The following ARHGEF4 variants were observed in gnomAD, a reference collection of about 807,000 sequenced individuals.
The protein encoded by ARHGEF4 is APC-stimulated guanine nucleotide exchange factor 1.
A neutral mutation model predicts 162.0 loss-of-function variants in ARHGEF4; 119 were observed. The ratio of observed to expected loss-of-function variants is 0.73; its 90% CI spans 0.63 to 0.86. The LOEUF (loss-of-function observed/expected upper bound fraction) is 0.86, where lower values mean the gene tolerates loss of function less well. Ranked by LOEUF, ARHGEF4 falls within the 40% of genes least tolerant of loss-of-function variation. The pLI, the probability that ARHGEF4 is intolerant of heterozygous loss-of-function variation, is 0.00. For synonymous variants in ARHGEF4, 1,014 were observed against 979.9 expected (o/e 1.03, Z -0.65); for missense variants, 2,488 against 2,456.0 (o/e 1.01, Z -0.28).
In ARHGEF4 at chr2:130,928,606, C is replaced by T. The variant is rs573810649; in HGVS notation, c.3553-2346C>T. ...GAGGGTCACACTTACAAACTTTAAACCAGAACCTCTGCCTGCTTCCTTCCC... is the reference window on the plus strand; with the variant it reads ...GAGGGTCACACTTACAAACTTTAAATCAGAACCTCTGCCTGCTTCCTTCCC... On this transcript the variant is annotated intron_variant, in intron 2 of 13. Transcript: ENST00000409359. Among the ~76,000 whole-genome samples, 100 of 152,304 alleles carry T rather than the reference C, an allele frequency of 6.6e-4. 1 individual carries two copies. Among genetic ancestry groups the T allele is most frequent in the Middle Eastern group, 3.4e-3 (1 of 294 alleles).
chr2:130,944,189 C>T (rs1683475583), intron 3 of ARHGEF4, among the ~76,000 whole-genome samples: 1 of 152,270 alleles, frequency 6.6e-6, no homozygotes, highest in Middle Eastern at 3.4e-3. Flanking sequence ...TGGTTTCTGG[C>T]TGCTTTAAGA....
chr2:131,043,518 C>T lies in ARHGEF4; in HGVS notation c.5092C>T (p.Pro1698Ser), dbSNP rs143580339. ...GGGGGAGCTGACTCGAGTTACACAG[C>T]CTCAAGCCAAAAGCCAGCAGCGAAT... The part of the protein sequence containing the change: ...YSGELTRVTQ[P>S]QAKSQQRMFF... The change falls in exon 11 of 14, where the codon CCT (proline) becomes TCT (serine). Residue 1698 changes from proline (P) to serine (S), a missense_variant. Pro to Ser is a moderately conservative substitution (Grantham distance 74, BLOSUM62 -1). Coordinates refer to ENST00000409359, the MANE Select transcript of ARHGEF4 (RefSeq NM_001367493.1). The T allele has an allele frequency of 2.5e-6, 4 of 1,613,996 alleles. No homozygotes were observed. The highest frequency in any genetic ancestry group is 1.3e-5 in the African/African-American group (1 of 74,926).
At chr2:130,918,859 C>A (rs1419881117) in intron 2 of ARHGEF4, among the ~76,000 whole-genome samples, 1 of 152,074 alleles carries the variant, frequency 6.6e-6, no homozygotes, top group Non-Finnish European at 1.5e-5. Flanking sequence ...TTTTTCGTTA[C>A]TGTTACTACT....
In ARHGEF4 at chr2:130,868,277, C is replaced by T. The variant is rs950391137; in HGVS notation, c.39+31285C>T. On this transcript the variant is annotated intron_variant, in intron 1 of 13. Coordinates refer to ENST00000409359, the MANE Select transcript of ARHGEF4 (RefSeq NM_001367493.1). ...GGACCTGGGACTGGAGTCTCCTGGACGTCTTTTCCTTATGGAATAATTTCT... is the reference window on the plus strand; with the variant it reads ...GGACCTGGGACTGGAGTCTCCTGGATGTCTTTTCCTTATGGAATAATTTCT... Among the ~76,000 whole-genome samples, 8 of 152,106 alleles carry T rather than the reference C, an allele frequency of 5.3e-5. 1 individual carries two copies. The highest frequency in any genetic ancestry group is 9.6e-5 in the African/African-American group (4 of 41,496).
chr2:130,964,104 T>TAGCAGC, intron 4 of ARHGEF4: 2 of 923,526 alleles, frequency 2.2e-6, no homozygotes, highest in South Asian at 5.0e-5. Flanking sequence ...ATCTCGGCAC[T>TAGCAGC]AGCAGCAGCA....
chr2:130,900,412 G>T (rs1680418060), intron 1 of ARHGEF4, among the ~76,000 whole-genome samples: 1 of 152,088 alleles, frequency 6.6e-6, no homozygotes, highest in South Asian at 2.1e-4. Context: ...TTTTAAGGTT[G>T]TTAGATCTTA....
intron 5 of ARHGEF4, among the ~76,000 whole-genome samples, chr2:131,032,519 C>G (rs1372758569): frequency 6.6e-6 from 1 of 152,018 alleles, no homozygotes; most frequent in African/African-American, 2.4e-5. Flanking sequence ...GGCTGGACAG[C>G]AAGCTGGGCT....
At chr2:130,844,423 G>A (rs766137102) in intron 1 of ARHGEF4, among the ~76,000 whole-genome samples, 1 of 152,204 alleles carries the variant, frequency 6.6e-6, no homozygotes, top group Non-Finnish European at 1.5e-5. Context: ...TGCAAACCCC[G>A]GCAGTAAACC....
At chr2:130,854,642 C>T (rs1681632039) in intron 1 of ARHGEF4, among the ~76,000 whole-genome samples, 1 of 152,174 alleles carries the variant, frequency 6.6e-6, no homozygotes, top group Non-Finnish European at 1.5e-5. Flanking sequence ...CCAGTGCCCC[C>T]ATCTCATCTC....
At chr2:131,044,204 C>T in intron 11 of ARHGEF4, 95 bp from the exon 12 acceptor site, 2 of 1,519,666 alleles carry the variant, frequency 1.3e-6, no homozygotes, top group Non-Finnish European at 8.9e-7. Context: ...GCATCACCAG[C>T]AGCCCCTCCT....
chr2:130,869,083 A>G (rs894051705), intron 1 of ARHGEF4, among the ~76,000 whole-genome samples: 2 of 152,216 alleles, frequency 1.3e-5, no homozygotes, highest in African/African-American at 4.8e-5. Context: ...GGCTTAGGAC[A>G]CAGACATCTT....
At chr2:131,006,592 G>A (rs1013183997) in intron 4 of ARHGEF4, among the ~76,000 whole-genome samples, 2 of 152,172 alleles carry the variant, frequency 1.3e-5, no homozygotes, top group Non-Finnish European at 2.9e-5. Flanking sequence ...GCATTTTAAT[G>A]CTAGATTCTC....
intron 4 of ARHGEF4, among the ~76,000 whole-genome samples, chr2:130,973,410 A>G (rs1685490721): frequency 6.6e-6 from 1 of 152,174 alleles, no homozygotes; most frequent in South Asian, 2.1e-4. Flanking sequence ...GATTACTTGA[A>G]CCTGGGAGGT....
At chr2:131,044,234 G>T in intron 11 of ARHGEF4, 65 bp from the exon 12 acceptor site, 3 of 1,586,302 alleles carry the variant, frequency 1.9e-6, no homozygotes, top group Non-Finnish European at 2.6e-6. Context: ...GAGAGGAGGT[G>T]GGAGCAGCCA....
At chr2:130,840,903 C>A (rs1466253362) in intron 1 of ARHGEF4, among the ~76,000 whole-genome samples, 1 of 152,176 alleles carries the variant, frequency 6.6e-6, no homozygotes, top group Non-Finnish European at 1.5e-5. Context: ...GGTGACCAGC[C>A]TCCCTACAAC....
At chr2:130,844,915 C>T (rs1680849041) in intron 1 of ARHGEF4, among the ~76,000 whole-genome samples, 1 of 151,940 alleles carries the variant, frequency 6.6e-6, no homozygotes, top group Non-Finnish European at 1.5e-5. Flanking sequence ...ACCTCCACCT[C>T]CGGGTTCAAG....
At chr2:130,904,404 TGG>T (rs1057432789) in intron 1 of ARHGEF4, among the ~76,000 whole-genome samples, 9 of 152,242 alleles carry the variant, frequency 5.9e-5, no homozygotes, top group African/African-American at 2.2e-4. Flanking sequence ...GACCCTGCTC[TGG>T]GGGGAGGGGA....
At chr2:130,932,191 G>T (rs191502178) in intron 3 of ARHGEF4, among the ~76,000 whole-genome samples, 1 of 152,070 alleles carries the variant, frequency 6.6e-6, no homozygotes, top group Admixed American at 6.5e-5. Flanking sequence ...TTCACTTAGC[G>T]TCGTGTTTTA....
intron 1 of ARHGEF4, among the ~76,000 whole-genome samples, chr2:130,864,254 T>C (rs1682101960): frequency 6.6e-6 from 1 of 150,800 alleles, no homozygotes. Context: ...TAGATGAATC[T>C]CAAAATAATT....
Sources: gnomAD v4.1 joint callset for allele counts (sites outside exome capture counted in the v4.1 genomes callset) on GRCh38, gnomAD v4.1.1 for gene constraint, MANE v1.5 for transcripts, NCBI Gene and HGNC (gene_info 2026-07-23, HGNC 2026-07-21) for gene names.